Variants in CEP97 observed in about 807,000 individuals in gnomAD.
The protein encoded by CEP97 is centrosomal protein 97.
A neutral mutation model predicts 73.1 loss-of-function variants in CEP97; 43 were observed. That is an observed-to-expected ratio of 0.59 (90% confidence interval 0.46 to 0.76). The LOEUF is 0.76. Among genes scored for constraint, CEP97 ranks in the 30% least tolerant of loss-of-function variants. CEP97 has a pLI of 0.00. For synonymous variants in CEP97, 337 were observed against 370.0 expected (o/e 0.91, Z 1.02); for missense variants, 939 against 1,014.0 (o/e 0.93, Z 1.00).
At position 101,726,598 on chromosome 3, in the gene CEP97, A is replaced by T. The variant is rs778226037; in HGVS notation, c.48A>T (p.Ser16=). The part of the protein sequence containing the change: ...VDAALPPGEG[S]VVNWSGQGLQ... ...ACATTTCCGTTTCTTTTCAAGGATC[A>T]GTGGTCAATTGGTCAGGACAGGGAC... Residue 16 remains serine, a synonymous_variant, in exon 2 of 11, where the codon TCA becomes TCT. Coordinates refer to ENST00000341893, the MANE Select transcript of CEP97 (RefSeq NM_024548.4). The T allele has an allele frequency of 6.3e-7, 1 of 1,580,806 alleles. No homozygotes were observed. Among genetic ancestry groups the T allele is most frequent in the East Asian group, 2.3e-5 (1 of 44,022 alleles).
intron 8 of CEP97, 110 bp downstream of exon 8, chr3:101,757,306 CT>C: frequency 4.2e-6 from 5 of 1,196,000 alleles, no homozygotes; most frequent in Non-Finnish European, 5.8e-6. Context: ...AGTTTACTAA[CT>C]TCAGTAATCA....
intron 6 of CEP97, among the ~76,000 whole-genome samples, chr3:101,747,957 TA>T (rs1218500452): frequency 1.6e-4 from 23 of 145,320 alleles, no homozygotes; most frequent in African/African-American, 1.3e-4. Context: ...TCCCCATCTC[TA>T]AAAAAAAAAT....
chr3:101,732,734 T>A, intron 6 of CEP97, 80 bp downstream of exon 6: 1 of 1,247,130 alleles, frequency 8.0e-7, no homozygotes, highest in Non-Finnish European at 1.1e-6. Context: ...GAGTATTTCT[T>A]AAAATGTGCA....
chr3:101,744,320 A>G (rs1045159130), intron 6 of CEP97, among the ~76,000 whole-genome samples: 2 of 152,116 alleles, frequency 1.3e-5, no homozygotes. Context: ...ACATTGGTTC[A>G]TGCCTGTAAT....
rs766218867 is a variant in CEP97 at position 101,765,455 on chromosome 3, G to C, written c.2502G>C (p.Gln834His). The C allele has an allele frequency of 1.2e-6, 2 of 1,614,142 alleles. No individual in the cohort carries two copies. Among genetic ancestry groups the C allele is most frequent in the East Asian group, 4.5e-5 (2 of 44,876 alleles). ...CTCCTTTGCAAGGTGAAATTAGCCA[G>C]ACACAAGAGAATTCTAAATTAAATG... ...ISPPLQGEISQTQENSKLNAE... is the reference protein window; with the variant it reads ...ISPPLQGEISHTQENSKLNAE... Residue 834 changes from glutamine to histidine, a missense_variant, in exon 11 of 11, where the codon CAG becomes CAC. Transcript: ENST00000341893.
rs762262629 is a variant in CEP97, at chr3:101,765,040, C to T, written c.2087C>T (p.Pro696Leu). ...GTAGCTCCTCAAGAGAAATCATTAC[C>T]AGAATTTCCAGACTCTGGTTTTCAT... ...SDVAPQEKSL[P>L]EFPDSGFHSS... is the part of the protein sequence containing the mutation. Residue 696 changes from proline to leucine, a missense_variant, in exon 11 of 11, where the codon CCA (proline) becomes CTA (leucine). By Grantham distance (98) the Pro-to-Leu change is moderately conservative. Coordinates refer to ENST00000341893, the MANE Select transcript of CEP97 (RefSeq NM_024548.4). 1.2e-5 allele frequency: 20 copies of T among 1,613,920 alleles called. No individual in the cohort carries two copies. In the East Asian group the frequency reaches 4.5e-4, roughly 36 times the overall value.
chr3:101,753,886 C>G (rs1208187662), intron 6 of CEP97, among the ~76,000 whole-genome samples: 1 of 152,188 alleles, frequency 6.6e-6, no homozygotes, highest in East Asian at 1.9e-4. Context: ...CCTGCTTCGG[C>G]TTGCGCACGG....
intron 6 of CEP97, among the ~76,000 whole-genome samples, chr3:101,754,614 G>A (rs891585764): frequency 1.3e-5 from 2 of 152,318 alleles, no homozygotes; most frequent in Admixed American, 6.5e-5. Flanking sequence ...GATGGGGCTA[G>A]AGTCATCCGA....
chr3:101,762,073 G>A (rs1487811428), intron 9 of CEP97, among the ~76,000 whole-genome samples: 1 of 152,152 alleles, frequency 6.6e-6, no homozygotes, highest in African/African-American at 2.4e-5. Flanking sequence ...ACCCTTAATT[G>A]TTTTGGAGGC....
rs1937986079 is a variant in CEP97 at position 101,728,720 on chromosome 3, C to T, written c.346-116C>T. The stretch of plus-strand genomic sequence containing the variant: ...CCTTTTCTCTTGCTAAGTTCTTCTA[C>T]TCTGCTTCTAATAATAAGAGGAGGG... On this transcript the variant is annotated intron_variant, in intron 3 of 10. Transcript: ENST00000341893. 4.2e-5 allele frequency: 29 copies of T among 686,606 alleles called. No individual in the cohort carries two copies. The East Asian group carries it at 6.1e-4, about 14-fold the overall frequency. 42.5% of individuals were successfully genotyped at this position (686,606 alleles called of 1,614,324 possible).
chr3:101,728,737 AGAG>A (rs1246556540), intron 3 of CEP97, 96 bp from the exon 4 acceptor site: 1 of 746,742 alleles, frequency 1.3e-6, no homozygotes, highest in South Asian at 1.6e-5. Context: ...TCTAATAATA[AGAG>A]GAGGGAAGAC....
At chr3:101,725,099 C>T (rs1296187199) in intron 1 of CEP97, among the ~76,000 whole-genome samples, 1 of 152,240 alleles carries the variant, frequency 6.6e-6, no homozygotes, top group East Asian at 1.9e-4. Flanking sequence ...CACACATCTC[C>T]CTCTCTTCTT....
rs1401142030 is a variant in CEP97, at chr3:101,753,714, G to A, written c.729-1716G>A. On this transcript the variant is annotated intron_variant, in intron 6 of 10. Transcript: ENST00000341893. The stretch of plus-strand genomic sequence containing the variant: ...GCGTAGGACCCTCCGAGCCAGGTGC[G>A]GGATATAATCTCCTGGTGCACCGTT... Among the ~76,000 whole-genome samples, 20 of 152,236 alleles carry A rather than the reference G, an allele frequency of 1.3e-4. No homozygotes were observed. The South Asian group carries it at 2.9e-3, about 22-fold the overall frequency.
intron 6 of CEP97, among the ~76,000 whole-genome samples, chr3:101,753,504 G>T (rs1415197091): frequency 6.6e-6 from 1 of 152,264 alleles, no homozygotes; most frequent in Non-Finnish European, 1.5e-5. Context: ...CCTGCCCCCA[G>T]AGGTGGAGCC....
At chr3:101,737,797 A>G (rs1938325620) in intron 6 of CEP97, among the ~76,000 whole-genome samples, 1 of 152,164 alleles carries the variant, frequency 6.6e-6, no homozygotes, top group South Asian at 2.1e-4. Flanking sequence ...GAGTGAAATA[A>G]CCAGCTAGCA....
intron 7 of CEP97, among the ~76,000 whole-genome samples, chr3:101,756,673 C>T (rs1024671882): frequency 1.3e-5 from 2 of 152,060 alleles, no homozygotes; most frequent in Admixed American, 6.5e-5. Context: ...ACACCGTGCC[C>T]GACCTATTTG....
chr3:101,749,172 G>A (rs1353878307), intron 6 of CEP97, among the ~76,000 whole-genome samples: 17 of 126,810 alleles, frequency 1.3e-4, no homozygotes, highest in Non-Finnish European at 2.2e-4. Flanking sequence ...AGTCCCCAGA[G>A]TGTGATGGTC....
intron 6 of CEP97, among the ~76,000 whole-genome samples, chr3:101,753,216 G>C (rs959517532): frequency 6.6e-6 from 1 of 152,140 alleles, no homozygotes; most frequent in Non-Finnish European, 1.5e-5. Context: ...ACAGATTTTC[G>C]TGAACTGGGA....
chr3:101,755,721 C>A, intron 7 of CEP97, 127 bp downstream of exon 7: 1 of 857,278 alleles, frequency 1.2e-6, no homozygotes, highest in South Asian at 1.6e-5. Flanking sequence ...GTCCCCTTGT[C>A]ACTGCAACAG....
Sources: gnomAD v4.1 joint callset for allele counts (sites outside exome capture counted in the v4.1 genomes callset) on GRCh38, gnomAD v4.1.1 for gene constraint, MANE v1.5 for transcripts, NCBI Gene and HGNC (gene_info 2026-07-23, HGNC 2026-07-21) for gene names.